The following NUMB variants were observed in gnomAD, a reference collection of about 807,000 sequenced individuals.
The protein encoded by NUMB is NUMB endocytic adaptor protein.
NUMB carries 29 observed loss-of-function variants against 59.7 expected under a neutral mutation model. The observed-to-expected ratio is 0.49, with a 90% CI of 0.36 to 0.66. The LOEUF (loss-of-function observed/expected upper bound fraction) is 0.66. NUMB is among the 30% of genes least tolerant of loss of function. The probability of loss-of-function intolerance (pLI) is 0.00; values close to 1 mark genes in which losing one functional copy is unlikely to be tolerated. For synonymous variants in NUMB, 288 were observed against 288.2 expected (o/e 1.00, Z 0.01); for missense variants, 723 against 822.0 (o/e 0.88, Z 1.47).
intron 4 of NUMB, among the ~76,000 whole-genome samples, chr14:73,349,913 G>T (rs914478766): frequency 4.6e-5 from 7 of 151,824 alleles, no homozygotes; most frequent in African/African-American, 1.5e-4. Flanking sequence ...AAACTAGCTG[G>T]GCATGGTGGC....
At chr14:73,395,212 C>T (rs1224679272) in intron 2 of NUMB, among the ~76,000 whole-genome samples, 1 of 151,898 alleles carries the variant, frequency 6.6e-6, no homozygotes, top group East Asian at 1.9e-4. Context: ...TACACACACA[C>T]ACACATACAC....
At chr14:73,304,105 C>T (rs956522573) in intron 6 of NUMB, among the ~76,000 whole-genome samples, 4 of 152,024 alleles carry the variant, frequency 2.6e-5, no homozygotes, top group African/African-American at 9.7e-5. Context: ...GAGAAATGCA[C>T]AGGTAATCTT....
intron 6 of NUMB, among the ~76,000 whole-genome samples, chr14:73,310,760 T>C (rs1004151568): frequency 6.6e-6 from 1 of 152,202 alleles, no homozygotes; most frequent in Non-Finnish European, 1.5e-5. Flanking sequence ...TAAAGCTCTA[T>C]ATAAATACAA....
rs368360378 is a variant in NUMB at position 73,425,796 on chromosome 14, C to G, written c.-232-15728G>C. On this transcript the variant is annotated intron_variant, in intron 1 of 12. Transcript: ENST00000555238. ...ACACTAAGAGATAGGGGCTATAATTCTAATTTTATTTAATTTTTTTTTTTT... is the reference window on the plus strand; with the variant it reads ...ACACTAAGAGATAGGGGCTATAATTGTAATTTTATTTAATTTTTTTTTTTT... Among the ~76,000 whole-genome samples the G allele has an allele frequency of 2.0e-5, 3 of 150,038 alleles. No homozygotes were observed. The East Asian group carries it at 5.8e-4, about 29-fold the overall frequency.
intron 4 of NUMB, among the ~76,000 whole-genome samples, chr14:73,335,933 T>TA (rs1892287992): frequency 6.6e-6 from 1 of 152,226 alleles, no homozygotes; most frequent in Non-Finnish European, 1.5e-5. Flanking sequence ...GAGGAATAGT[T>TA]AAATTAAAAT....
Position 73,357,889 on chromosome 14 carries a change from C to A in NUMB, c.-15-2123G>T, listed in dbSNP as rs201268298. On this transcript the variant is annotated intron_variant, in intron 3 of 12. Transcript: ENST00000555238. ...GCTCCAAATTATCCTGAGGCCCCCC[C>A]CAAAAAAAAAAAAACCCACCAAAAA... is the stretch of plus-strand genomic sequence containing the variant. Among the ~76,000 whole-genome samples, 161 of 105,976 alleles carry A rather than the reference C, an allele frequency of 1.5e-3. 2 individuals carry two copies. The highest frequency in any genetic ancestry group is 0.015 in the South Asian group (65 of 4,336). 69.5% of individuals were successfully genotyped at this position (105,976 alleles called of 152,430 possible). A position where few individuals can be genotyped will look rare whatever the true frequency, so the allele number is the denominator to read the frequency against.
intron 2 of NUMB, among the ~76,000 whole-genome samples, chr14:73,405,435 CTTTTTTTT>C (rs56778084): frequency 6.0e-4 from 77 of 127,402 alleles, no homozygotes; most frequent in African/African-American, 1.3e-3. Flanking sequence ...TTTTCTTTCT[CTTTTTTTT>C]TTTTTTTTTT....
chr14:73,375,384 T>C (rs1230847712), intron 2 of NUMB, among the ~76,000 whole-genome samples: 2 of 152,214 alleles, frequency 1.3e-5, no homozygotes, highest in Admixed American at 6.5e-5. Context: ...AGAGATTAAG[T>C]AACTTGTTCA....
At position 73,284,360 on chromosome 14, in the gene NUMB, T is replaced by C. The variant is rs747237359; in HGVS notation, c.670A>G (p.Ile224Val). Residue 224 changes from isoleucine to valine, a missense_variant, in exon 10 of 13, where the codon ATA becomes GTA. Coordinates refer to ENST00000555238, the MANE Select transcript of NUMB (RefSeq NM_001005743.2). ...GGGGCAACTGATGAACCAACGACTA[T>C]CTTATCTGTTTCAGCTCAAGAAAAT... ...QDAKKAETDK[I>V]VVGSSVAPGN... is the part of the protein sequence containing the mutation. The C allele has an allele frequency of 1.4e-5, 22 of 1,612,696 alleles. 1 individual carries two copies. In the South Asian group the frequency reaches 2.3e-4, roughly 17 times the overall value.
intron 4 of NUMB, among the ~76,000 whole-genome samples, chr14:73,340,994 C>G (rs1350067834): frequency 6.6e-6 from 1 of 152,228 alleles, no homozygotes; most frequent in Non-Finnish European, 1.5e-5. Flanking sequence ...GAGCTGCTCT[C>G]TCCTGATGCC....
intron 4 of NUMB, among the ~76,000 whole-genome samples, chr14:73,344,982 A>C (rs1418156551): frequency 6.6e-6 from 1 of 152,196 alleles, no homozygotes; most frequent in African/African-American, 2.4e-5. Flanking sequence ...TAAATCCAGC[A>C]ATCCCATTAC....
At chr14:73,309,718 TATAATAATAATAATA>T (rs199953380) in intron 6 of NUMB, among the ~76,000 whole-genome samples, 9 of 137,230 alleles carry the variant, frequency 6.6e-5, no homozygotes, top group Admixed American at 3.0e-4. Context: ...GAACTTAAGG[TATAATAATAATAATA>T]ATAATAATAA....
chr14:73,304,839 CA>C (rs1890335934), intron 6 of NUMB, among the ~76,000 whole-genome samples: 1 of 152,094 alleles, frequency 6.6e-6, no homozygotes, highest in African/African-American at 2.4e-5. Context: ...CGGCTCATTG[CA>C]ACCTCCACCT....
In NUMB at chr14:73,403,459, A is replaced by T. The variant is rs1896510269; in HGVS notation, c.-101+6478T>A. Among the ~76,000 whole-genome samples the T allele has an allele frequency of 2.6e-5, 4 of 152,254 alleles. No homozygotes were observed. In the South Asian group the frequency reaches 8.3e-4, roughly 32 times the overall value. ...AGTCCTAAATTAGTCTGACAAAATT[A>T]CAATCTCCTGATGAGGACTATTCTG... On this transcript the variant is annotated intron_variant, in intron 2 of 12. Transcript: ENST00000555238.
intron 11 of NUMB, 50 bp from the exon 12 acceptor site, chr14:73,279,474 C>T (rs763188848): frequency 1.3e-6 from 2 of 1,515,120 alleles, no homozygotes; most frequent in Non-Finnish European, 1.8e-6. Context: ...GCAGGGTGTA[C>T]AAGTGACCCC....
intron 2 of NUMB, among the ~76,000 whole-genome samples, chr14:73,408,581 CAA>C (rs1406835775): frequency 6.6e-6 from 1 of 152,036 alleles, no homozygotes; most frequent in Non-Finnish European, 1.5e-5. Flanking sequence ...TTTGTTGACA[CAA>C]AAGAAAATTC....
chr14:73,353,333 C>T (rs1254048014), intron 4 of NUMB, among the ~76,000 whole-genome samples: 1 of 149,784 alleles, frequency 6.7e-6, no homozygotes, highest in East Asian at 2.0e-4. Flanking sequence ...GTGATCCGCC[C>T]GCCTCGGCAT....
At chr14:73,324,815 G>C (rs1281704385) in intron 4 of NUMB, among the ~76,000 whole-genome samples, 1 of 152,066 alleles carries the variant, frequency 6.6e-6, no homozygotes. Context: ...CTATGGAAAT[G>C]GCAAGGAATT....
intron 9 of NUMB, 104 bp downstream of exon 9, chr14:73,287,006 G>A (rs775860587): frequency 9.2e-7 from 1 of 1,081,156 alleles, no homozygotes; most frequent in Admixed American, 1.7e-5. Context: ...ATATTGCTAA[G>A]GGTTCTCTTT....
Sources: allele counts gnomAD v4.1 joint callset (sites outside exome capture counted in the v4.1 genomes callset), GRCh38; gene constraint gnomAD v4.1.1; transcripts MANE v1.5; gene names NCBI Gene and HGNC (gene_info 2026-07-23, HGNC 2026-07-21).